The following HOGA1 variants were observed in gnomAD, a reference collection of about 807,000 sequenced individuals.
HOGA1 encodes 4-hydroxy-2-oxoglutarate aldolase 1, also known as 4-hydroxy-2-oxoglutarate aldolase, mitochondrial.
In HOGA1, 30 loss-of-function variants were observed where a neutral mutation model predicts 34.3. The observed-to-expected ratio is 0.87, with a 90% CI of 0.65 to 1.19. The LOEUF (loss-of-function observed/expected upper bound fraction) is 1.19, where lower values mean the gene tolerates loss of function less well. Among genes scored for constraint, HOGA1 ranks in the 50% most tolerant of loss-of-function variants. The pLI, the probability that HOGA1 is intolerant of heterozygous loss-of-function variation, is 0.00. For missense variants in HOGA1, 417 were observed against 436.5 expected (o/e 0.96, Z 0.40); for synonymous variants, 161 against 174.0 (o/e 0.93, Z 0.59).
At chr10:97,598,367 A>C (rs1038511985) in intron 1 of HOGA1, among the ~76,000 whole-genome samples, 1 of 152,400 alleles carries the variant, frequency 6.6e-6, no homozygotes, top group Admixed American at 6.5e-5. Context: ...AGAATACTAT[A>C]CAGCAATTAA....
At chr10:97,607,405 T>A (rs1207737807) in intron 6 of HOGA1, among the ~76,000 whole-genome samples, 2 of 152,284 alleles carry the variant, frequency 1.3e-5, no homozygotes, top group Non-Finnish European at 2.9e-5. Flanking sequence ...TCGGCTGGAG[T>A]AGAGCAGTTA....
Position 97,611,795 on chromosome 10 carries a change from T to C in HOGA1, c.*136T>C. 2 of 1,076,190 alleles carry C rather than the reference T, an allele frequency of 1.9e-6. No individual in the cohort carries two copies. The highest frequency in any genetic ancestry group is 2.7e-6 in the Non-Finnish European group (2 of 740,578). The allele number at this position is 1,076,190 out of a possible 1,614,324, so 66.7% of individuals were successfully genotyped here. ...ATAGAGGCTCCTTTGCCTGCTGTGGTCCTCCAGGCAGCCTTTCACAGGCAC... is the reference window on the plus strand; with the variant it reads ...ATAGAGGCTCCTTTGCCTGCTGTGGCCCTCCAGGCAGCCTTTCACAGGCAC... On this transcript the variant is annotated 3_prime_UTR_variant, in exon 7 of 7. Transcript: ENST00000370646.
rs200947398 is a variant in HOGA1, at chr10:97,599,823, C to T, written c.603+9C>T. 1.5e-5 allele frequency: 24 copies of T among 1,614,210 alleles called. No homozygotes were observed. The East Asian group carries it at 2.9e-4, about 19-fold the overall frequency. ...AGGACAGCGGTGGTGATGTGAGTGGCAGCAGCTCCGGGGCTGGGGTCCTCT... is the reference window on the plus strand; with the variant it reads ...AGGACAGCGGTGGTGATGTGAGTGGTAGCAGCTCCGGGGCTGGGGTCCTCT... On this transcript the variant is annotated intron_variant, in intron 4 of 6. Transcript: ENST00000370646.
At chr10:97,590,053 T>C (rs1427228616) in intron 1 of HOGA1, 3 of 1,614,004 alleles carry the variant, frequency 1.9e-6, no homozygotes, top group Admixed American at 3.3e-5. Flanking sequence ...TCGACAACAA[T>C]GCCAGCGCTA....
At chr10:97,593,214 G>A (rs912224207) in intron 1 of HOGA1, among the ~76,000 whole-genome samples, 1 of 151,986 alleles carries the variant, frequency 6.6e-6, no homozygotes, top group Non-Finnish European at 1.5e-5. Flanking sequence ...GGCGGCTCAC[G>A]CCTGTAATCC....
intron 6 of HOGA1, among the ~76,000 whole-genome samples, chr10:97,609,104 G>T (rs1373407440): frequency 6.6e-6 from 1 of 152,146 alleles, no homozygotes; most frequent in Non-Finnish European, 1.5e-5. Context: ...CTATAAATAG[G>T]TTATAAGAAC....
In HOGA1 at chr10:97,606,128, CAAAAAA is replaced by C. The variant is rs60230634; in HGVS notation, c.834+4156_834+4161del. Among the ~76,000 whole-genome samples, 122 of 95,212 alleles carry C rather than the reference CAAAAAA, an allele frequency of 1.3e-3. 1 individual carries two copies. Among genetic ancestry groups the C allele is most frequent in the Middle Eastern group, 6.6e-3 (1 of 152 alleles). 62.5% of individuals were successfully genotyped at this position (95,212 alleles called of 152,430 possible). A position where few individuals can be genotyped will look rare whatever the true frequency, so the allele number is the denominator to read the frequency against. On this transcript the variant is annotated intron_variant, in intron 6 of 6. Coordinates refer to ENST00000370646, the MANE Select transcript of HOGA1 (RefSeq NM_138413.4). ...TGAAACCCCGTCTCTACTAAAAATACAAAAAAAAAAAAAAAAAAAAAAATTAGCTGC... is the reference window on the plus strand; with the variant it reads ...TGAAACCCCGTCTCTACTAAAAATACAAAAAAAAAAAAAAAAATTAGCTGC...
At chr10:97,602,263 T>C (rs924673911) in intron 6 of HOGA1, 37 of 1,427,932 alleles carry the variant, frequency 2.6e-5, no homozygotes, top group Admixed American at 4.3e-5. Flanking sequence ...AGAAGATGCA[T>C]TGAAACAAAC....
Position 97,603,537 on chromosome 10 carries a change from T to C in HOGA1, c.834+1547T>C, listed in dbSNP as rs531905772. On this transcript the variant is annotated intron_variant, in intron 6 of 6. Coordinates refer to ENST00000370646, the MANE Select transcript of HOGA1 (RefSeq NM_138413.4). The surrounding 1 kb of genome is among the most constrained non-coding windows in gnomAD (Gnocchi z 4.5). Reference sequence around the variant, plus strand: ...GCCACCATGACTGGCCTACTGTATATTTTATATTTAACTTTTTATTTTATT... The same window carrying C: ...GCCACCATGACTGGCCTACTGTATACTTTATATTTAACTTTTTATTTTATT... 3.7e-4 allele frequency among the ~76,000 whole-genome samples: 56 copies of C among 151,040 alleles called. No homozygotes were observed. In the South Asian group the frequency reaches 5.2e-3, roughly 14 times the overall value.
At chr10:97,604,120 A>G (rs1427341002) in intron 6 of HOGA1, among the ~76,000 whole-genome samples, 1 of 152,168 alleles carries the variant, frequency 6.6e-6, no homozygotes, top group Admixed American at 6.5e-5. Context: ...TAGCAACCAC[A>G]CATACATTCA....
chr10:97,601,268 C>T (rs901874387), intron 5 of HOGA1, among the ~76,000 whole-genome samples: 17 of 152,134 alleles, frequency 1.1e-4, no homozygotes, highest in African/African-American at 9.7e-5. Flanking sequence ...GCAGAAGTGG[C>T]GGGGGTTTCT....
intron 6 of HOGA1, among the ~76,000 whole-genome samples, chr10:97,605,546 T>G (rs975385225): frequency 2.0e-5 from 3 of 152,008 alleles, no homozygotes; most frequent in Non-Finnish European, 4.4e-5. Context: ...AACGTATGAG[T>G]GATCTAGTTT....
chr10:97,602,480 T>A, intron 6 of HOGA1: 3 of 985,352 alleles, frequency 3.0e-6, no homozygotes, highest in Non-Finnish European at 3.6e-6. Flanking sequence ...ATACCCCAAT[T>A]CTTTGTTGGG....
In HOGA1 at chr10:97,592,782, A is replaced by C. The variant is rs565836954; in HGVS notation, c.212-5993A>C. On this transcript the variant is annotated intron_variant, in intron 1 of 6. Coordinates refer to ENST00000370646, the MANE Select transcript of HOGA1 (RefSeq NM_138413.4). ...GGTGACTCCTGTCTGTAATCCCTGC[A>C]CTTTGGGAGGCCGAGATGGGCAGAT... Among the ~76,000 whole-genome samples the C allele has an allele frequency of 5.3e-5, 8 of 151,992 alleles. No homozygotes were observed. The East Asian group carries it at 1.6e-3, about 30-fold the overall frequency.
chr10:97,590,907 G>A (rs373431105), intron 1 of HOGA1: 1 of 327,558 alleles, frequency 3.1e-6, no homozygotes, highest in Non-Finnish European at 5.9e-6. Flanking sequence ...TGCCTGGAAC[G>A]GAGCCAATAA....
chr10:97,585,424 A>G (rs979815043), intron 1 of HOGA1, among the ~76,000 whole-genome samples: 2 of 152,106 alleles, frequency 1.3e-5, no homozygotes, highest in Non-Finnish European at 2.9e-5. Context: ...CTCTTTACAC[A>G]TGGGTCTCCC....
chr10:97,603,719 C>G lies in HOGA1; in HGVS notation c.834+1729C>G, dbSNP rs2041138059. Among the ~76,000 whole-genome samples the G allele has an allele frequency of 6.6e-6, 1 of 152,044 alleles. No homozygotes were observed. The highest frequency in any genetic ancestry group is 2.4e-5 in the African/African-American group (1 of 41,406). On this transcript the variant is annotated intron_variant, in intron 6 of 6. Transcript: ENST00000370646. This position sits in a 1 kb window ranked among gnomAD's most constrained non-coding sequence, Gnocchi z 4.5. ...CTGGGATTACAGATGCCTGCCACCA[C>G]ACCCGGCTAATTTTTGTGCTTTTAG...
Position 97,590,065 on chromosome 10 carries a change from T to G in HOGA1, c.211+5151T>G, listed in dbSNP as rs2041006289. On this transcript the variant is annotated intron_variant, in intron 1 of 6. Transcript: ENST00000370646. ...CCCTCGACAACAATGCCAGCGCTAG[T>G]GGCAATGCTACCCAGACTGAGAGTG... 5 of 1,614,020 alleles carry G rather than the reference T, an allele frequency of 3.1e-6. No homozygotes were observed. The African/African-American group carries it at 4.0e-5, about 13-fold the overall frequency.
At chr10:97,602,502 G>C in intron 6 of HOGA1, 1 of 985,428 alleles carries the variant, frequency 1.0e-6, no homozygotes, top group Non-Finnish European at 1.2e-6. Context: ...AAGCAAAGGA[G>C]AACTTCAGAG....
Sources: gnomAD v4.1 joint callset for allele counts (sites outside exome capture counted in the v4.1 genomes callset) on GRCh38, gnomAD v4.1.1 for gene constraint, Gnocchi (gnomAD v3.1) non-coding constraint, MANE v1.5 for transcripts, NCBI Gene and HGNC (gene_info 2026-07-23, HGNC 2026-07-21) for gene names.